The following CBFA2T3 variants were observed in gnomAD, a reference collection of about 807,000 sequenced individuals.
CBFA2T3 encodes the protein transcriptional corepressor CBFA2T3.
Under a neutral mutation model 58.6 loss-of-function variants are expected in CBFA2T3, and 31 were observed. That is an observed-to-expected ratio of 0.53 (90% confidence interval 0.40 to 0.71). The LOEUF (loss-of-function observed/expected upper bound fraction) is 0.71. Ranked by LOEUF, CBFA2T3 falls within the 30% of genes least tolerant of loss-of-function variation. The probability of loss-of-function intolerance (pLI) is 0.00; values close to 1 mark genes in which losing one functional copy is unlikely to be tolerated. For synonymous variants in CBFA2T3, 531 were observed against 421.9 expected, an observed-to-expected ratio of 1.26 and a Z score of -3.17; for missense variants, 1,076 against 963.1, an observed-to-expected ratio of 1.12 and a Z score of -1.55.
chr16:88,952,410 C>T (rs539988777), intron 1 of CBFA2T3, among the ~76,000 whole-genome samples: 17 of 151,346 alleles, frequency 1.1e-4, no homozygotes, highest in East Asian at 7.8e-4. Flanking sequence ...CCTTCTCCCG[C>T]GGGGCACCAA....
At chr16:88,975,976 C>A (rs957094341) in intron 1 of CBFA2T3, among the ~76,000 whole-genome samples, 11 of 152,242 alleles carry the variant, frequency 7.2e-5, no homozygotes, top group African/African-American at 2.7e-4. Context: ...CACTGGGAAT[C>A]GGGGCCACCA....
rs531436418 is a variant in CBFA2T3 at position 88,875,214 on chromosome 16, C to T, written c.*1762G>A. The T allele has an allele frequency of 1.8e-4, 43 of 234,450 alleles. No homozygotes were observed. Among genetic ancestry groups the T allele is most frequent in the Middle Eastern group, 1.3e-3 (1 of 790 alleles). The allele number at this position is 234,450 out of a possible 1,614,324, so 14.5% of individuals were successfully genotyped here. A position where few individuals can be genotyped will look rare whatever the true frequency, so the allele number is the denominator to read the frequency against. ...ATGCCAAGCCACGGGCCACGCCACA[C>T]GCACAGATGCCAGGCTGCGGGCCGT... is the stretch of plus-strand genomic sequence containing the variant. On this transcript the variant is annotated 3_prime_UTR_variant, in exon 12 of 12. Coordinates refer to ENST00000268679, the MANE Select transcript of CBFA2T3 (RefSeq NM_005187.6).
At chr16:88,968,179 C>T (rs1036694475) in intron 1 of CBFA2T3, among the ~76,000 whole-genome samples, 12 of 152,156 alleles carry the variant, frequency 7.9e-5, no homozygotes, top group South Asian at 2.1e-4. Flanking sequence ...GGTGAGAGGC[C>T]GAATAAGGGT....
chr16:88,888,395 C>A (rs752906415), intron 5 of CBFA2T3, among the ~76,000 whole-genome samples: 26 of 129,318 alleles, frequency 2.0e-4, no homozygotes, highest in Non-Finnish European at 3.7e-4. Context: ...CTCGGCACCT[C>A]CTGTCTGGCC....
In CBFA2T3 at chr16:88,974,699, T is replaced by G. The variant is rs1972750189; in HGVS notation, c.151+1958A>C. 4.6e-5 allele frequency among the ~76,000 whole-genome samples: 7 copies of G among 152,190 alleles called. 1 individual carries two copies. The South Asian group carries it at 1.2e-3, about 27-fold the overall frequency. On this transcript the variant is annotated intron_variant, in intron 1 of 11. Transcript: ENST00000268679. ...GTTTTAGGAACTCTTGGGAGGCCTGTGTGCCTGACAGCCACACAGTGGGGC... is the reference window on the plus strand; with the variant it reads ...GTTTTAGGAACTCTTGGGAGGCCTGGGTGCCTGACAGCCACACAGTGGGGC...
intron 1 of CBFA2T3, among the ~76,000 whole-genome samples, chr16:88,948,308 C>T (rs1447063183): frequency 2.6e-5 from 4 of 152,180 alleles, no homozygotes; most frequent in East Asian, 1.9e-4. Flanking sequence ...ACATTCGTGG[C>T]GAGTGGGGAG....
intron 1 of CBFA2T3, among the ~76,000 whole-genome samples, chr16:88,942,065 C>T (rs1971761180): frequency 6.6e-6 from 1 of 152,246 alleles, no homozygotes; most frequent in East Asian, 1.9e-4. Context: ...GTCCCGGGGC[C>T]AGGTCATTTG....
intron 1 of CBFA2T3, among the ~76,000 whole-genome samples, chr16:88,933,100 G>A (rs1306260484): frequency 6.6e-6 from 1 of 152,236 alleles, no homozygotes; most frequent in Admixed American, 6.5e-5. Context: ...CCAGAGACAG[G>A]CCAGGCCCTC....
Position 88,953,292 on chromosome 16 carries a change from G to T in CBFA2T3, c.151+23365C>A, listed in dbSNP as rs1287346943. Among the ~76,000 whole-genome samples, 2 of 152,196 alleles carry T rather than the reference G, an allele frequency of 1.3e-5. No homozygotes were observed. The highest frequency in any genetic ancestry group is 2.9e-5 in the Non-Finnish European group (2 of 68,034). On this transcript the variant is annotated intron_variant, in intron 1 of 11. Transcript: ENST00000268679. This position sits in a 1 kb window ranked among gnomAD's most constrained non-coding sequence, Gnocchi z 4.9. ...CATCCCTTTCTTCCAGGGCCTGCGGGGCTGACAGGCACACAGCCAGTGGTG... is the reference window on the plus strand; with the variant it reads ...CATCCCTTTCTTCCAGGGCCTGCGGTGCTGACAGGCACACAGCCAGTGGTG...
chr16:88,928,236 C>T (rs909381641), intron 1 of CBFA2T3, among the ~76,000 whole-genome samples: 2 of 152,204 alleles, frequency 1.3e-5, no homozygotes, highest in Non-Finnish European at 2.9e-5. Flanking sequence ...CCCGGGGCAG[C>T]TTCTTGCCCG....
intron 1 of CBFA2T3, among the ~76,000 whole-genome samples, chr16:88,935,523 G>T (rs1201474029): frequency 6.6e-6 from 1 of 152,238 alleles, no homozygotes; most frequent in African/African-American, 2.4e-5. Flanking sequence ...GGGTCTGCAG[G>T]TGGCGTGGTG....
At chr16:88,939,756 G>C (rs1288279816) in intron 1 of CBFA2T3, 1 of 152,252 alleles carries the variant, frequency 6.6e-6, no homozygotes. Context: ...AGGAACTGTG[G>C]GCTGGGCCTT....
At chr16:88,956,616 A>C (rs924298050) in intron 1 of CBFA2T3, among the ~76,000 whole-genome samples, 1 of 152,212 alleles carries the variant, frequency 6.6e-6, no homozygotes, top group Non-Finnish European at 1.5e-5. Flanking sequence ...GAGGGAGGCG[A>C]GGCTGGGACC....
At chr16:88,919,249 T>A (rs998428656) in intron 1 of CBFA2T3, among the ~76,000 whole-genome samples, 3 of 152,096 alleles carry the variant, frequency 2.0e-5, no homozygotes, top group Non-Finnish European at 4.4e-5. Context: ...GAGGTCCCGT[T>A]CCAGCCAATG....
At position 88,898,113 on chromosome 16, in the gene CBFA2T3, A is replaced by G; in HGVS notation, c.344T>C (p.Phe115Ser). Reference sequence around the variant, plus strand: ...CATAGACCATTTTAAGCAGCCATGAAAACGGCCGTGGGGCAGCGTCGCAGG... The same window carrying G: ...CATAGACCATTTTAAGCAGCCATGAGAACGGCCGTGGGGCAGCGTCGCAGG... The part of the protein sequence containing the change: ...DGPATLPHGR[F>S]HGCLKWSMVC... Residue 115 changes from phenylalanine to serine, a missense_variant, in exon 3 of 12, where the codon TTT becomes TCT. By Grantham distance (155) the Phe-to-Ser change is radical (BLOSUM62 -2). Transcript: ENST00000268679. 6.2e-7 allele frequency: 1 copy of G among 1,613,370 alleles called. No homozygotes were observed.
In CBFA2T3 at chr16:88,876,828, G is replaced by A. The variant is rs1391279633; in HGVS notation, c.*148C>T. On this transcript the variant is annotated 3_prime_UTR_variant, in exon 12 of 12. Transcript: ENST00000268679. Reference sequence around the variant, plus strand: ...CTTCTTTCGGAGAGGGGCAGTAGCAGCAGTGACTAATTGGTCGGCTCCCCC... The same window carrying A: ...CTTCTTTCGGAGAGGGGCAGTAGCAACAGTGACTAATTGGTCGGCTCCCCC... The A allele has an allele frequency of 5.2e-6, 3 of 575,578 alleles. No homozygotes were observed. Among genetic ancestry groups the A allele is most frequent in the African/African-American group, 4.0e-5 (2 of 50,262 alleles). 35.7% of individuals were successfully genotyped at this position (575,578 alleles called of 1,614,324 possible). A position where few individuals can be genotyped will look rare whatever the true frequency, so the allele number is the denominator to read the frequency against.
At chr16:88,901,735 G>T (rs936804787) in intron 1 of CBFA2T3, 79 bp from the exon 2 acceptor site, 2 of 1,324,954 alleles carry the variant, frequency 1.5e-6, no homozygotes, top group African/African-American at 3.1e-5. Context: ...ACGGTTCCCA[G>T]CGAAGGCCCC....
intron 1 of CBFA2T3, among the ~76,000 whole-genome samples, chr16:88,915,225 T>G (rs1597720931): frequency 1.9e-4 from 2 of 10,380 alleles, no homozygotes; most frequent in African/African-American, 4.2e-4. Flanking sequence ...GAGGCGTGGG[T>G]GTGGGGTGGG....
At chr16:88,954,767 A>G (rs868357147) in intron 1 of CBFA2T3, among the ~76,000 whole-genome samples, 177 of 3,722 alleles carry the variant, frequency 0.048, no homozygotes, top group Admixed American at 0.11. Flanking sequence ...CTCAGCCAAG[A>G]CTCCTGACCC....
Sources: allele counts gnomAD v4.1 joint callset (sites outside exome capture counted in the v4.1 genomes callset), GRCh38; gene constraint gnomAD v4.1.1; non-coding constraint Gnocchi (gnomAD v3.1); transcripts MANE v1.5; gene names NCBI Gene and HGNC (gene_info 2026-07-23, HGNC 2026-07-21).